CABP7: variants seen among roughly 807,000 people sequenced by gnomAD.
CABP7 encodes calcium binding protein 7, also known as calcium-binding protein 7.
Under a neutral mutation model 23.1 loss-of-function variants are expected in CABP7, and 13 were observed. The observed-to-expected ratio is 0.56, with a 90% CI of 0.37 to 0.90. CABP7 has a LOEUF of 0.90. CABP7 is among the 40% of genes least tolerant of loss of function. CABP7 has a pLI of 0.01. For synonymous variants in CABP7, 123 were observed against 115.3 expected (o/e 1.07, Z -0.43); for missense variants, 248 against 295.6 (o/e 0.84, Z 1.18).
rs956762750 is a variant in CABP7, at chr22:29,731,598, C to A, written c.*2029C>A. 1.3e-5 allele frequency: 6 copies of A among 472,432 alleles called. No homozygotes were observed. Among genetic ancestry groups the A allele is most frequent in the Admixed American group, 4.7e-5 (1 of 21,264 alleles). The allele number at this position is 472,432 out of a possible 1,614,324, so 29.3% of individuals were successfully genotyped here. A position where few individuals can be genotyped will look rare whatever the true frequency, so the allele number is the denominator to read the frequency against. Reference sequence around the variant, plus strand: ...TTGAGCTGCGAGACAATGGGAATAACCTTCGTGTCCACCTGTGGGGGACTG... The same window carrying A: ...TTGAGCTGCGAGACAATGGGAATAAACTTCGTGTCCACCTGTGGGGGACTG... On this transcript the variant is annotated 3_prime_UTR_variant, in exon 5 of 5. Transcript: ENST00000216144.
At chr22:29,722,723 T>C (rs1037336672) in intron 1 of CABP7, among the ~76,000 whole-genome samples, 1 of 151,842 alleles carries the variant, frequency 6.6e-6, no homozygotes, top group Non-Finnish European at 1.5e-5. Flanking sequence ...CAGGGCCTCA[T>C]GAGTGCTCCT....
At position 29,720,008 on chromosome 22, in the gene CABP7, A is replaced by C. The variant is rs2067747024; in HGVS notation, c.-417A>C. 1 of 147,018 alleles carries C rather than the reference A, an allele frequency of 6.8e-6. No homozygotes were observed. 9.1% of individuals were successfully genotyped at this position (147,018 alleles called of 1,614,324 possible). On this transcript the variant is annotated 5_prime_UTR_variant, in exon 1 of 5. Transcript: ENST00000216144. This position sits in a 1 kb window ranked among gnomAD's most constrained non-coding sequence, Gnocchi z 5.2. ...GGGAGCGCAGCCAGCGCGGCACAGA[A>C]CGAGCGAGCGAGCGAGCGGAGAGGC...
intron 1 of CABP7, among the ~76,000 whole-genome samples, chr22:29,723,209 C>T (rs939078293): frequency 1.3e-5 from 2 of 152,126 alleles, no homozygotes; most frequent in African/African-American, 4.8e-5. Context: ...GAAGGGCAGG[C>T]TGGCAGGGAG....
chr22:29,723,383 C>T (rs1164541352), intron 1 of CABP7, among the ~76,000 whole-genome samples: 1 of 152,144 alleles, frequency 6.6e-6, no homozygotes, highest in Admixed American at 6.6e-5. Context: ...CTTAGATCCC[C>T]TCTGTGTGCC....
chr22:29,723,842 T>C (rs2147206054), intron 1 of CABP7, among the ~76,000 whole-genome samples: 1 of 152,342 alleles, frequency 6.6e-6, no homozygotes, highest in African/African-American at 2.4e-5. Flanking sequence ...CTCCAGCCAG[T>C]GCCTGCCCTC....
At chr22:29,723,011 G>A (rs528011092) in intron 1 of CABP7, among the ~76,000 whole-genome samples, 3 of 152,212 alleles carry the variant, frequency 2.0e-5, no homozygotes, top group Non-Finnish European at 2.9e-5. Flanking sequence ...TTGGGCAATC[G>A]CTCACCTCTC....
At chr22:29,723,365 C>T (rs566529940) in intron 1 of CABP7, among the ~76,000 whole-genome samples, 3 of 152,262 alleles carry the variant, frequency 2.0e-5, no homozygotes, top group East Asian at 3.9e-4. Context: ...GGGACAGGCA[C>T]GGACTCTCTT....
Position 29,731,409 on chromosome 22 carries a change from T to C in CABP7, c.*1840T>C, listed in dbSNP as rs2067842614. 11 of 1,517,680 alleles carry C rather than the reference T, an allele frequency of 7.2e-6. No homozygotes were observed. Among genetic ancestry groups the C allele is most frequent in the Non-Finnish European group, 9.6e-6 (11 of 1,146,844 alleles). 94.0% of individuals were successfully genotyped at this position (1,517,680 alleles called of 1,614,324 possible). ...AAGAGTGCACTACAGCCCAGGCTTA[T>C]GCCACCCCCAGCCCACCTGCCTCAC... On this transcript the variant is annotated 3_prime_UTR_variant, in exon 5 of 5. Coordinates refer to ENST00000216144, the MANE Select transcript of CABP7 (RefSeq NM_182527.3).
chr22:29,728,523 C>T (rs1385967556), intron 2 of CABP7, 107 bp from the exon 3 acceptor site: 1 of 686,854 alleles, frequency 1.5e-6, no homozygotes, highest in Non-Finnish European at 2.6e-6. Flanking sequence ...TGCCTAAGGC[C>T]ACCCGGTAGG....
Position 29,731,524 on chromosome 22 carries a change from T to A in CABP7, c.*1955T>A. ...AGGCAGACCGTTTGAGCCAGCGACC[T>A]CACCTCTAGGAACTGAGCCCAAGGA... On this transcript the variant is annotated 3_prime_UTR_variant, in exon 5 of 5. Transcript: ENST00000216144. The A allele has an allele frequency of 1.2e-6, 1 of 808,520 alleles. No homozygotes were observed. The highest frequency in any genetic ancestry group is 2.1e-5 in the South Asian group (1 of 47,294). 50.1% of individuals were successfully genotyped at this position (808,520 alleles called of 1,614,324 possible). A position where few individuals can be genotyped will look rare whatever the true frequency, so the allele number is the denominator to read the frequency against.
In CABP7 at chr22:29,731,365, A is replaced by C. The variant is rs971651252; in HGVS notation, c.*1796A>C. The C allele has an allele frequency of 1.1e-5, 17 of 1,543,744 alleles. No homozygotes were observed. The highest frequency in any genetic ancestry group is 1.4e-5 in the Non-Finnish European group (16 of 1,154,298). On this transcript the variant is annotated 3_prime_UTR_variant, in exon 5 of 5. Transcript: ENST00000216144. ...CTGATGGGTTCAGCCCTAGAGAGAG[A>C]GAGAGAAGCGGGGAGAATAAGAGTG...
rs138320879 is a variant in CABP7 at position 29,724,957 on chromosome 22, G to A, written c.110-2705G>A. ...GCAGCCCTGGGCTCTGGGAGCTCCC[G>A]AAGGGTAGGAGGGATGACCTGGAGC... On this transcript the variant is annotated intron_variant, in intron 1 of 4. Transcript: ENST00000216144. 7.9e-5 allele frequency among the ~76,000 whole-genome samples: 12 copies of A among 152,320 alleles called. No homozygotes were observed. In the East Asian group the frequency reaches 1.4e-3, roughly 17 times the overall value.
chr22:29,720,622 G>T lies in CABP7; in HGVS notation c.109+89G>T, dbSNP rs1373525543. ...GGCCAGGGGCGCGGGGGCGGGGGGC[G>T]GGGGGCGGTCCGCAGGTGCCGGTTG... On this transcript the variant is annotated intron_variant, in intron 1 of 4. Transcript: ENST00000216144. The surrounding 1 kb of genome is among the most constrained non-coding windows in gnomAD (Gnocchi z 5.2). The T allele has an allele frequency of 6.6e-6, 5 of 754,372 alleles. No homozygotes were observed. In the South Asian group the frequency reaches 8.9e-5, roughly 13 times the overall value. 46.7% of individuals were successfully genotyped at this position (754,372 alleles called of 1,614,324 possible). A position where few individuals can be genotyped will look rare whatever the true frequency, so the allele number is the denominator to read the frequency against.
Position 29,731,333 on chromosome 22 carries a change from A to G in CABP7, c.*1764A>G. 1 of 1,540,006 alleles carries G rather than the reference A, an allele frequency of 6.5e-7. No homozygotes were observed. Among genetic ancestry groups the G allele is most frequent in the Non-Finnish European group, 8.7e-7 (1 of 1,153,210 alleles). On this transcript the variant is annotated 3_prime_UTR_variant, in exon 5 of 5. Coordinates refer to ENST00000216144, the MANE Select transcript of CABP7 (RefSeq NM_182527.3). ...GCCAGCCCACGGGGTACTGGAAGAC[A>G]GTGGTTCTGATGGGTTCAGCCCTAG...
At chr22:29,721,869 TG>T in intron 1 of CABP7, among the ~76,000 whole-genome samples, 1 of 152,190 alleles carries the variant, frequency 6.6e-6, no homozygotes, top group East Asian at 1.9e-4. Context: ...GATGGATGAT[TG>T]GGGCCCCCCG....
Position 29,731,709 on chromosome 22 carries a change from A to G in CABP7, c.*2140A>G. The G allele has an allele frequency of 4.5e-6, 1 of 222,170 alleles. No individual in the cohort carries two copies. The highest frequency in any genetic ancestry group is 2.3e-5 in the African/African-American group (1 of 42,700). The allele number at this position is 222,170 out of a possible 1,614,324, so 13.8% of individuals were successfully genotyped here. A position where few individuals can be genotyped will look rare whatever the true frequency, so the allele number is the denominator to read the frequency against. On this transcript the variant is annotated 3_prime_UTR_variant, in exon 5 of 5. Coordinates refer to ENST00000216144, the MANE Select transcript of CABP7 (RefSeq NM_182527.3). ...CAGATTTATATGCACTGATGAGGAA[A>G]GACATACTGTGTGATAGGGAGAAAA...
In CABP7 at chr22:29,727,747, G is replaced by A. The variant is rs750569238; in HGVS notation, c.195G>A (p.Leu65=). Reference sequence around the variant, plus strand: ...AGCTGGGCACAGCCATGCGCTCACTGGGTTACATGCCCAACGAGGTGGAGC... The same window carrying A: ...AGCTGGGCACAGCCATGCGCTCACTAGGTTACATGCCCAACGAGGTGGAGC... ...KQELGTAMRS[L]GYMPNEVELE... is the part of the protein sequence containing the mutation. The change falls in exon 2 of 5, where the codon CTG becomes CTA. Residue 65 remains leucine, a synonymous_variant. Coordinates refer to ENST00000216144, the MANE Select transcript of CABP7 (RefSeq NM_182527.3). This position sits in a 1 kb window ranked among gnomAD's most constrained non-coding sequence, Gnocchi z 4.2. 1.2e-5 allele frequency: 19 copies of A among 1,613,382 alleles called. No individual in the cohort carries two copies. Among genetic ancestry groups the A allele is most frequent in the Admixed American group, 1.7e-5 (1 of 59,972 alleles).
At chr22:29,722,314 AAGGCCGC>A (rs2067767405) in intron 1 of CABP7, among the ~76,000 whole-genome samples, 1 of 152,204 alleles carries the variant, frequency 6.6e-6, no homozygotes, top group Non-Finnish European at 1.5e-5. Context: ...GTGCAGGGGC[AAGGCCGC>A]AGGCTCCCCA....
At position 29,720,349 on chromosome 22, in the gene CABP7, G is replaced by GC; in HGVS notation, c.-71dup. ...GCCGCGCGCCCCGCCCGCTCCAGCCGCCCCCGGGGCCGCCACCGGCCCATG... is the reference window on the plus strand; with the variant it reads ...GCCGCGCGCCCCGCCCGCTCCAGCCGCCCCCCGGGGCCGCCACCGGCCCATG... On this transcript the variant is annotated 5_prime_UTR_variant, in exon 1 of 5. Coordinates refer to ENST00000216144, the MANE Select transcript of CABP7 (RefSeq NM_182527.3). This position sits in a 1 kb window ranked among gnomAD's most constrained non-coding sequence, Gnocchi z 5.2. 1.3e-6 allele frequency: 1 copy of GC among 783,464 alleles called. No homozygotes were observed. The highest frequency in any genetic ancestry group is 1.7e-6 in the Non-Finnish European group (1 of 603,182). 48.5% of individuals were successfully genotyped at this position (783,464 alleles called of 1,614,324 possible).
Sources: allele counts gnomAD v4.1 joint callset (sites outside exome capture counted in the v4.1 genomes callset), GRCh38; gene constraint gnomAD v4.1.1; non-coding constraint Gnocchi (gnomAD v3.1); transcripts MANE v1.5; gene names NCBI Gene and HGNC (gene_info 2026-07-23, HGNC 2026-07-21).